UEVLD: variants seen among roughly 807,000 people sequenced by gnomAD.
UEVLD encodes the protein UEV and lactate/malate dehyrogenase domains.
Under a neutral mutation model 58.6 loss-of-function variants are expected in UEVLD, and 47 were observed. The ratio of observed to expected loss-of-function variants is 0.80; its 90% confidence interval spans 0.63 to 1.02. The LOEUF (loss-of-function observed/expected upper bound fraction) is 1.02. Ranked by LOEUF, UEVLD falls within the 50% of genes least tolerant of loss-of-function variation. UEVLD has a pLI of 0.00. For synonymous variants in UEVLD, 197 were observed against 195.3 expected (o/e 1.01, Z -0.07); for missense variants, 510 against 550.6 (o/e 0.93, Z 0.74).
chr11:18,558,397 A>T, intron 6 of UEVLD, 67 bp from the exon 7 acceptor site: 2 of 1,099,806 alleles, frequency 1.8e-6, no homozygotes, highest in Non-Finnish European at 2.6e-6. Flanking sequence ...TCATTCAACA[A>T]TGAGGACTAA....
chr11:18,555,410 T>C (rs1297967711), intron 7 of UEVLD, among the ~76,000 whole-genome samples: 3 of 147,878 alleles, frequency 2.0e-5, no homozygotes, highest in Non-Finnish European at 4.5e-5. Context: ...TGGGTGAAAG[T>C]GCGAGACTGT....
chr11:18,535,353 C>T (rs1324095865), intron 10 of UEVLD, among the ~76,000 whole-genome samples: 1 of 152,056 alleles, frequency 6.6e-6, no homozygotes, highest in Non-Finnish European at 1.5e-5. Flanking sequence ...TAGATATCTG[C>T]AGTATCTGAA....
chr11:18,580,222 A>G (rs546459186), intron 1 of UEVLD, among the ~76,000 whole-genome samples: 1 of 152,258 alleles, frequency 6.6e-6, no homozygotes, highest in African/African-American at 2.4e-5. Flanking sequence ...GGATGTAAAG[A>G]AATCAGAACT....
chr11:18,534,782 G>A (rs950019313), intron 10 of UEVLD, among the ~76,000 whole-genome samples: 3 of 152,214 alleles, frequency 2.0e-5, no homozygotes, highest in Admixed American at 6.6e-5. Context: ...CTAATTTGGA[G>A]AAACTGTAAA....
chr11:18,550,036 G>A (rs1199417529), intron 7 of UEVLD, among the ~76,000 whole-genome samples: 6 of 151,426 alleles, frequency 4.0e-5, no homozygotes, highest in Admixed American at 3.9e-4. Context: ...TGGCCAGGCT[G>A]GTCTTGAACT....
At position 18,530,248 on chromosome 11, in the gene UEVLD, C is replaced by T. The variant is rs1451429884; in HGVS notation, c.*2072G>A. On this transcript the variant is annotated 3_prime_UTR_variant, in exon 12 of 12. Coordinates refer to ENST00000396197, the MANE Select transcript of UEVLD (RefSeq NM_001040697.4). ...CAGTAAGAATACATTGTTAGAGTAA[C>T]ATGAACTAATTCACGTGCATATTGA... is the stretch of plus-strand genomic sequence containing the variant. The T allele has an allele frequency of 6.6e-6, 1 of 152,192 alleles. No homozygotes were observed. Among genetic ancestry groups the T allele is most frequent in the Non-Finnish European group, 1.5e-5 (1 of 68,026 alleles). The allele number at this position is 152,192 out of a possible 1,614,324, so 9.4% of individuals were successfully genotyped here.
In UEVLD at chr11:18,547,066, A is replaced by T. The variant is rs778393600; in HGVS notation, c.716-16T>A. 1.2e-6 allele frequency: 2 copies of T among 1,607,164 alleles called. No individual in the cohort carries two copies. The highest frequency in any genetic ancestry group is 1.7e-6 in the Non-Finnish European group (2 of 1,178,158). On this transcript the variant is annotated splice_polypyrimidine_tract_variant and intron_variant, in intron 7 of 11. Transcript: ENST00000396197. The stretch of plus-strand genomic sequence containing the variant: ...GCAGACAAATCTAGTGAATGAAAAG[A>T]AACAGTCTGAGCTGAAGATACAGGC...
chr11:18,544,761 T>C lies in UEVLD; in HGVS notation c.922A>G (p.Thr308Ala), dbSNP rs768442142. ...CCGATCACTCGATTTGCAGGAAATG[T>C]ACTCAGTTTCCATGTTACATAGGTC... is the stretch of plus-strand genomic sequence containing the variant. ...IMTYVTWKLS[T>A]FPANRVIGIG... The change falls in exon 9 of 12, where the codon ACA becomes GCA. Residue 308 changes from threonine (T) to alanine (A), a missense_variant. Thr to Ala is a moderately conservative substitution (Grantham distance 58, BLOSUM62 0). Transcript: ENST00000396197. 2.6e-6 allele frequency: 4 copies of C among 1,567,116 alleles called. No homozygotes were observed. Among genetic ancestry groups the C allele is most frequent in the South Asian group, 1.2e-5 (1 of 82,776 alleles).
At chr11:18,545,435 G>T (rs2133975860) in intron 8 of UEVLD, among the ~76,000 whole-genome samples, 1 of 149,770 alleles carries the variant, frequency 6.7e-6, no homozygotes, top group East Asian at 2.0e-4. Flanking sequence ...ATTTTACTGT[G>T]TTTTGTTTGT....
At chr11:18,560,138 C>CACACACACACACACACACAG (rs368897951) in intron 6 of UEVLD, among the ~76,000 whole-genome samples, 1,833 of 74,080 alleles carry the variant, frequency 0.025, 122 homozygotes, top group Middle Eastern at 0.032. Flanking sequence ...CACACACACA[C>CACACACACACACACACACAG]AGAGAGAGAA....
In UEVLD at chr11:18,530,720, T is replaced by A. The variant is rs1157807100; in HGVS notation, c.*1600A>T. On this transcript the variant is annotated 3_prime_UTR_variant, in exon 12 of 12. Transcript: ENST00000396197. The stretch of plus-strand genomic sequence containing the variant: ...TGCACATCACCACACCTGGCTAATT[T>A]TTAAACTTTTTTTTTTTTTTTTTGA... The A allele has an allele frequency of 2.7e-5, 4 of 149,376 alleles. No homozygotes were observed. The highest frequency in any genetic ancestry group is 1.0e-4 in the African/African-American group (4 of 39,796). The allele number at this position is 149,376 out of a possible 1,614,324, so 9.3% of individuals were successfully genotyped here. A position where few individuals can be genotyped will look rare whatever the true frequency, so the allele number is the denominator to read the frequency against.
At chr11:18,571,950 G>A (rs144602132) in intron 3 of UEVLD, among the ~76,000 whole-genome samples, 1 of 152,036 alleles carries the variant, frequency 6.6e-6, no homozygotes, top group South Asian at 2.1e-4. Context: ...AAAAGAAAAA[G>A]AACAGCCCAG....
chr11:18,552,552 G>T (rs4623881), intron 7 of UEVLD, among the ~76,000 whole-genome samples: 5 of 151,348 alleles, frequency 3.3e-5, no homozygotes, highest in African/African-American at 7.3e-5. Context: ...CTCAAAAAAT[G>T]AAAATAAAAA....
At chr11:18,568,072 G>C (rs1477977317) in intron 4 of UEVLD, among the ~76,000 whole-genome samples, 1 of 152,148 alleles carries the variant, frequency 6.6e-6, no homozygotes, top group East Asian at 1.9e-4. Flanking sequence ...TTGAGCCCAG[G>C]AATTTGAGGG....
intron 1 of UEVLD, chr11:18,579,503 C>A: frequency 1.0e-6 from 1 of 985,366 alleles, no homozygotes; most frequent in South Asian, 4.7e-5. Context: ...GTCTTTTTGG[C>A]ACGGCTCATT....
chr11:18,536,344 G>T, intron 10 of UEVLD, 62 bp downstream of exon 10: 2 of 1,462,474 alleles, frequency 1.4e-6, no homozygotes, highest in Non-Finnish European at 9.6e-7. Context: ...TGTATAAATA[G>T]CTGTTAGCTA....
Position 18,588,629 on chromosome 11 carries a change from C to T in UEVLD, c.26G>A (p.Arg9Lys). ...TGCCCGCACCTTGCCAAGCAGCCGT[C>T]TCAGGCCCTCGCAGTCGAACTCCAT... is the stretch of plus-strand genomic sequence containing the variant. MEFDCEGLRRLLGKYKFRD... is the reference protein window; with the variant it reads MEFDCEGLKRLLGKYKFRD... Residue 9 changes from arginine to lysine, a missense_variant, in exon 1 of 12, where the codon AGA becomes AAA. Arg to Lys is a conservative substitution (Grantham distance 26, BLOSUM62 2). Transcript: ENST00000396197. 1 of 1,610,398 alleles carries T rather than the reference C, an allele frequency of 6.2e-7. No homozygotes were observed. Among genetic ancestry groups the T allele is most frequent in the Non-Finnish European group, 8.5e-7 (1 of 1,179,876 alleles).
At chr11:18,543,286 AT>A (rs1000342935) in intron 9 of UEVLD, among the ~76,000 whole-genome samples, 37 of 152,158 alleles carry the variant, frequency 2.4e-4, no homozygotes, top group African/African-American at 6.3e-4. Context: ...GTAATGACTA[AT>A]TTTCCCCAGA....
intron 1 of UEVLD, among the ~76,000 whole-genome samples, chr11:18,581,036 A>G (rs1853211268): frequency 6.6e-6 from 1 of 151,762 alleles, no homozygotes; most frequent in South Asian, 2.1e-4. Context: ...GTGGCAGGCG[A>G]CTATAATCCC....
Sources: allele counts gnomAD v4.1 joint callset (sites outside exome capture counted in the v4.1 genomes callset), GRCh38; gene constraint gnomAD v4.1.1; transcripts MANE v1.5; gene names NCBI Gene and HGNC (gene_info 2026-07-23, HGNC 2026-07-21).